Variants in FMO2 observed in about 807,000 individuals in gnomAD.
FMO2 encodes flavin containing dimethylaniline monoxygenase 2.
FMO2 carries 33 observed loss-of-function variants against 41.6 expected under a neutral mutation model. The observed-to-expected ratio is 0.79, with a 90% CI of 0.60 to 1.06. The LOEUF (loss-of-function observed/expected upper bound fraction) is 1.06, where lower values mean the gene tolerates loss of function less well. Ranked by LOEUF, FMO2 falls within the 50% of genes least tolerant of loss-of-function variation. FMO2 has a pLI of 0.00. For synonymous variants in FMO2, 214 were observed against 219.6 expected, an observed-to-expected ratio of 0.97 and a Z score of 0.23; for missense variants, 619 against 632.9, an observed-to-expected ratio of 0.98 and a Z score of 0.23.
chr1:171,208,792 A>T lies in FMO2; in HGVS notation c.1257-2A>T, dbSNP rs201644748. The T allele has an allele frequency of 6.2e-7, 1 of 1,612,998 alleles. No individual in the cohort carries two copies. Among genetic ancestry groups the T allele is most frequent in the Non-Finnish European group, 8.5e-7 (1 of 1,179,528 alleles). On this transcript the variant is annotated splice_acceptor_variant, in intron 8 of 8. Coordinates refer to ENST00000209929, the MANE Select transcript of FMO2 (RefSeq NM_001460.5). LOFTEE classifies it high-confidence loss of function. Reference sequence around the variant, plus strand: ...CATTCCCTTTTTACTTTCTTCACTAAGGTTTGGAGAAAGCCAGAGCCAGAC... The same window carrying T: ...CATTCCCTTTTTACTTTCTTCACTATGGTTTGGAGAAAGCCAGAGCCAGAC...
chr1:171,189,654 C>CTTTTTTTTTTTTT lies in FMO2; in HGVS notation c.133-3677_133-3676insTTTTTTTTTTTTT, dbSNP rs199536748. Among the ~76,000 whole-genome samples, 179 of 122,718 alleles carry CTTTTTTTTTTTTT rather than the reference C, an allele frequency of 1.5e-3. 4 individuals are homozygous for CTTTTTTTTTTTTT. The highest frequency in any genetic ancestry group is 2.3e-3 in the East Asian group (9 of 3,942). 80.5% of individuals were successfully genotyped at this position (122,718 alleles called of 152,430 possible). On this transcript the variant is annotated intron_variant, in intron 2 of 8. Coordinates refer to ENST00000209929, the MANE Select transcript of FMO2 (RefSeq NM_001460.5). ...ACAGAAATCTGAGCCCGTCTTTTTTCTTTTCTTTTTTTTTTTTTTTTTGAG... is the reference window on the plus strand; with the variant it reads ...ACAGAAATCTGAGCCCGTCTTTTTTCTTTTTTTTTTTTTTTTTCTTTTTTTTTTTTTTTTTGAG...
chr1:171,188,520 T>G (rs28369815), intron 2 of FMO2, among the ~76,000 whole-genome samples: 250 of 152,284 alleles, frequency 1.6e-3, no homozygotes, highest in Non-Finnish European at 2.9e-3. Flanking sequence ...AGAGTCTCCC[T>G]GCAGAGTGAA....
chr1:171,186,538 G>A (rs1378419012), intron 2 of FMO2, among the ~76,000 whole-genome samples: 1 of 152,040 alleles, frequency 6.6e-6, no homozygotes, highest in Non-Finnish European at 1.5e-5. Context: ...CTGAGCAAAG[G>A]GGGAAAAGCC....
At chr1:171,208,174 GAA>G (rs1452075329) in intron 8 of FMO2, among the ~76,000 whole-genome samples, 2 of 152,150 alleles carry the variant, frequency 1.3e-5, no homozygotes, top group Non-Finnish European at 2.9e-5. Flanking sequence ...GAATAGCTGT[GAA>G]AAGTTAGAGA....
In FMO2 at chr1:171,196,807, TC is replaced by T; in HGVS notation, c.482del (p.Pro161GlnfsTer29). 6.2e-7 allele frequency: 1 copy of T among 1,612,774 alleles called. No homozygotes were observed. Among genetic ancestry groups the T allele is most frequent in the Non-Finnish European group, 8.5e-7 (1 of 1,179,446 alleles). ...ILPHIPLKSFPGMERFKGQYF... is the reference protein window; with the variant it reads ...ILPHIPLKSFXGMERFKGQYF... ...TACCTCATATCCCACTGAAGTCATTTCCAGGTGAGACCCGCTGGGATTCCCA... is the reference window on the plus strand; with the variant it reads ...TACCTCATATCCCACTGAAGTCATTTCAGGTGAGACCCGCTGGGATTCCCA... On this transcript the variant is annotated frameshift_variant, in exon 4 of 9. Transcript: ENST00000209929. LOFTEE classifies it high-confidence loss of function.
rs2102023612 is a variant in FMO2 at position 171,211,374 on chromosome 1, G to C, written c.*2229G>C. On this transcript the variant is annotated 3_prime_UTR_variant, in exon 9 of 9. Transcript: ENST00000209929. ...TTACAGAAAAAGTTTGATAATTCCT[G>C]CTTTATAATATGTAAGGCATTGTCC... 1 of 152,166 alleles carries C rather than the reference G, an allele frequency of 6.6e-6. No homozygotes were observed. The highest frequency in any genetic ancestry group is 1.9e-4 in the East Asian group (1 of 5,182). 9.4% of individuals were successfully genotyped at this position (152,166 alleles called of 1,614,324 possible).
chr1:171,188,929 G>A (rs1205061356), intron 2 of FMO2: 2 of 152,094 alleles, frequency 1.3e-5, no homozygotes, highest in Non-Finnish European at 2.9e-5. Flanking sequence ...GGAAGCACTT[G>A]GCAAGCATCA....
In FMO2 at chr1:171,209,034, CAA is replaced by C; in HGVS notation, c.1498_1499del (p.Lys500AspfsTer9). ...AGAAACAAAGAATACTGAAGCCACT[CAA>C]GACTCGGGCCCTGAAGGATTCATCT... is the stretch of plus-strand genomic sequence containing the variant. ...TQKQRILKPL[K>X]TRALKDSSNF... On this transcript the variant is annotated frameshift_variant, in exon 9 of 9. Coordinates refer to ENST00000209929, the MANE Select transcript of FMO2 (RefSeq NM_001460.5). LOFTEE classifies it low-confidence loss of function (END_TRUNC). The C allele has an allele frequency of 7.6e-7, 1 of 1,317,452 alleles. No homozygotes were observed. Among genetic ancestry groups the C allele is most frequent in the Non-Finnish European group, 1.1e-6 (1 of 939,040 alleles). 81.6% of individuals were successfully genotyped at this position (1,317,452 alleles called of 1,614,324 possible).
chr1:171,199,738 A>G (rs1379334528), intron 5 of FMO2, among the ~76,000 whole-genome samples: 2 of 152,122 alleles, frequency 1.3e-5, no homozygotes, highest in African/African-American at 2.4e-5. Context: ...TAAAATGGGA[A>G]CTTTTGACCA....
intron 4 of FMO2, among the ~76,000 whole-genome samples, chr1:171,198,703 A>G (rs1470136914): frequency 1.3e-5 from 2 of 151,750 alleles, no homozygotes; most frequent in Admixed American, 1.3e-4. Flanking sequence ...GAGCCACCAC[A>G]CCTTGCCTAA....
At chr1:171,200,363 C>T (rs6692260) in intron 5 of FMO2, among the ~76,000 whole-genome samples, 78,239 of 151,872 alleles carry the variant, frequency 0.52, 21,370 homozygotes, top group African/African-American at 0.68. Flanking sequence ...AGGACAGACC[C>T]AGGCAAAGAA....
At chr1:171,191,976 C>T (rs12567600) in intron 2 of FMO2, among the ~76,000 whole-genome samples, 59,062 of 151,370 alleles carry the variant, frequency 0.39, 12,167 homozygotes, top group East Asian at 0.55. Flanking sequence ...TTGATGCTGC[C>T]GTGAGCCATA....
chr1:171,192,682 C>T (rs561939224), intron 2 of FMO2, among the ~76,000 whole-genome samples: 3 of 149,894 alleles, frequency 2.0e-5, no homozygotes, highest in Non-Finnish European at 3.0e-5. Flanking sequence ...AGGAGAATGC[C>T]GTGGACCTGG....
intron 6 of FMO2, 48 bp downstream of exon 6, chr1:171,204,112 T>C (rs1462186315): frequency 7.1e-7 from 1 of 1,403,952 alleles, no homozygotes; most frequent in East Asian, 2.3e-5. Context: ...GTGAGCAAAG[T>C]TGTCTGAAGG....
rs756165775 is a variant in FMO2, at chr1:171,205,384, C to G, written c.933C>G (p.Ala311=). Residue 311 remains alanine (A), a synonymous_variant, in exon 7 of 9, where the codon GCC becomes GCG. Coordinates refer to ENST00000209929, the MANE Select transcript of FMO2 (RefSeq NM_001460.5). ...STVKELTETS[A]IFEDGTVEEN... ...TGAAAGAGCTCACAGAAACTTCTGC[C>G]ATCTTTGAGGATGGAACAGTGGAGG... The G allele has an allele frequency of 6.2e-7, 1 of 1,613,834 alleles. No homozygotes were observed. Among genetic ancestry groups the G allele is most frequent in the Non-Finnish European group, 8.5e-7 (1 of 1,179,826 alleles).
chr1:171,207,449 G>A (rs1452760303), intron 7 of FMO2: 5 of 340,256 alleles, frequency 1.5e-5, no homozygotes, highest in Non-Finnish European at 2.6e-5. Context: ...CAAACCACTA[G>A]TCATGGCTGC....
chr1:171,185,812 A>G lies in FMO2; in HGVS notation c.99A>G (p.Arg33=), dbSNP rs777525709. 6 of 1,613,852 alleles carry G rather than the reference A, an allele frequency of 3.7e-6. No homozygotes were observed. In the Admixed American group the frequency reaches 8.3e-5, roughly 22 times the overall value. ...DEGLEPTCFE[R]TEDIGGVWRF... ...GACTTGAGCCCACTTGCTTTGAGAG[A>G]ACTGAAGATATTGGAGGAGTGTGGA... Residue 33 remains arginine, a synonymous_variant, in exon 2 of 9, where the codon AGA becomes AGG. Transcript: ENST00000209929.
chr1:171,193,386 A>G lies in FMO2; in HGVS notation c.184A>G (p.Thr62Ala). ...ASIYQSVVTN[T>A]SKEMSCFSDF... Reference sequence around the variant, plus strand: ...TATCTATCAATCTGTCGTTACCAACACCAGCAAAGAAATGTCCTGTTTCAG... The same window carrying G: ...TATCTATCAATCTGTCGTTACCAACGCCAGCAAAGAAATGTCCTGTTTCAG... The change falls in exon 3 of 9, where the codon ACC (threonine) becomes GCC (alanine). Residue 62 changes from threonine to alanine, a missense_variant. Thr to Ala is a moderately conservative substitution (Grantham distance 58). Transcript: ENST00000209929. 9 of 1,612,562 alleles carry G rather than the reference A, an allele frequency of 5.6e-6. No individual in the cohort carries two copies. Among genetic ancestry groups the G allele is most frequent in the Non-Finnish European group, 6.8e-6 (8 of 1,179,272 alleles).
intron 5 of FMO2, among the ~76,000 whole-genome samples, chr1:171,200,620 A>G (rs762865903): frequency 1.3e-5 from 2 of 152,202 alleles, no homozygotes; most frequent in Admixed American, 6.5e-5. Flanking sequence ...AAGGGGTTAT[A>G]CTGGGACCTG....
Sources: allele counts gnomAD v4.1 joint callset (sites outside exome capture counted in the v4.1 genomes callset), GRCh38; gene constraint gnomAD v4.1.1; transcripts MANE v1.5; gene names NCBI Gene and HGNC (gene_info 2026-07-23, HGNC 2026-07-21).